Variants in ZNF407 observed in about 807,000 individuals in gnomAD.
ZNF407 encodes zinc finger protein 407.
Under a neutral mutation model 131.2 loss-of-function variants are expected in ZNF407, and 17 were observed. The ratio of observed to expected loss-of-function variants is 0.13; its 90% CI spans 0.09 to 0.19. The LOEUF is 0.19. Among genes scored for constraint, ZNF407 ranks in the 10% least tolerant of loss-of-function variants. The pLI is 1.00. For synonymous variants in ZNF407, 1,156 were observed against 1,062.0 expected (o/e 1.09, Z -1.72); for missense variants, 2,681 against 2,830.6 (o/e 0.95, Z 1.20).
intron 8 of ZNF407, among the ~76,000 whole-genome samples, chr18:74,986,842 CTAT>C (rs1972658355): frequency 6.6e-6 from 1 of 152,014 alleles, no homozygotes; most frequent in Non-Finnish European, 1.5e-5. Context: ...GTTTATTCTT[CTAT>C]TTTTTCTCTT....
intron 8 of ZNF407, among the ~76,000 whole-genome samples, chr18:74,931,058 C>T (rs1318876570): frequency 4.6e-5 from 7 of 152,156 alleles, no homozygotes; most frequent in African/African-American, 1.7e-4. Flanking sequence ...CTATCTAGAA[C>T]ATACATTATC....
chr18:74,780,260 TAAAC>T (rs1161363769), intron 3 of ZNF407, among the ~76,000 whole-genome samples: 1 of 152,170 alleles, frequency 6.6e-6, no homozygotes. Context: ...TATATGAAAT[TAAAC>T]AAAATAAATT....
At chr18:74,901,162 A>G (rs1409417005) in intron 7 of ZNF407, among the ~76,000 whole-genome samples, 1 of 152,084 alleles carries the variant, frequency 6.6e-6, no homozygotes, top group Non-Finnish European at 1.5e-5. Flanking sequence ...AGTCATATAT[A>G]TGGCCCCACC....
intron 3 of ZNF407, among the ~76,000 whole-genome samples, chr18:74,756,787 T>G (rs919495568): frequency 1.3e-5 from 2 of 152,158 alleles, no homozygotes; most frequent in African/African-American, 4.8e-5. Context: ...TTGTTATAGC[T>G]CTATACAGAT....
intron 3 of ZNF407, among the ~76,000 whole-genome samples, chr18:74,661,612 T>C (rs1196437552): frequency 6.6e-6 from 1 of 152,042 alleles, no homozygotes; most frequent in Non-Finnish European, 1.5e-5. Context: ...AAGCACATTT[T>C]TTTAGGCTAA....
chr18:74,754,459 C>A (rs1261996898), intron 3 of ZNF407, among the ~76,000 whole-genome samples: 1 of 152,168 alleles, frequency 6.6e-6, no homozygotes, highest in Non-Finnish European at 1.5e-5. Flanking sequence ...AATTTTAGAT[C>A]TTTCCTGCTT....
At chr18:74,839,954 T>G (rs1970609814) in intron 4 of ZNF407, among the ~76,000 whole-genome samples, 1 of 152,122 alleles carries the variant, frequency 6.6e-6, no homozygotes, top group East Asian at 1.9e-4. Context: ...GTGAAGAATT[T>G]CTTCTTTTTC....
At chr18:75,027,225 A>G (rs1349945224) in intron 8 of ZNF407, among the ~76,000 whole-genome samples, 1 of 152,208 alleles carries the variant, frequency 6.6e-6, no homozygotes, top group African/African-American at 2.4e-5. Flanking sequence ...GGCACATTCA[A>G]GGCAACAAGT....
intron 3 of ZNF407, among the ~76,000 whole-genome samples, chr18:74,726,016 A>G (rs1968149234): frequency 6.6e-6 from 1 of 152,116 alleles, no homozygotes; most frequent in Non-Finnish European, 1.5e-5. Context: ...CTTCTGTGAT[A>G]TTTCTGTAGA....
intron 3 of ZNF407, among the ~76,000 whole-genome samples, chr18:74,744,639 G>A (rs1968625488): frequency 6.6e-6 from 1 of 152,030 alleles, no homozygotes; most frequent in African/African-American, 2.4e-5. Flanking sequence ...TTAGCACATA[G>A]ATTTTTGCTG....
intron 8 of ZNF407, among the ~76,000 whole-genome samples, chr18:74,976,137 T>G (rs1972525940): frequency 6.6e-6 from 1 of 152,364 alleles, no homozygotes; most frequent in Admixed American, 6.5e-5. Flanking sequence ...GTAGAGCAGC[T>G]TGCATTCTTA....
chr18:75,002,088 G>GA (rs1173316541), intron 8 of ZNF407, among the ~76,000 whole-genome samples: 1 of 152,178 alleles, frequency 6.6e-6, no homozygotes, highest in Non-Finnish European at 1.5e-5. Flanking sequence ...GGCCTATGAG[G>GA]GCTGGCCAGC....
chr18:74,959,497 T>G (rs75408443), intron 8 of ZNF407, among the ~76,000 whole-genome samples: 2,185 of 152,306 alleles, frequency 0.014, 24 homozygotes, highest in Non-Finnish European at 0.024. Context: ...GTGTCTGTCT[T>G]TCTGAGTTTA....
intron 8 of ZNF407, among the ~76,000 whole-genome samples, chr18:75,023,898 A>G (rs1973140886): frequency 6.6e-6 from 1 of 152,190 alleles, no homozygotes; most frequent in Admixed American, 6.5e-5. Flanking sequence ...TAATTTTACT[A>G]GTTTGTGGTG....
At chr18:74,870,402 A>G (rs891172607) in intron 4 of ZNF407, among the ~76,000 whole-genome samples, 1 of 152,164 alleles carries the variant, frequency 6.6e-6, no homozygotes, top group Non-Finnish European at 1.5e-5. Flanking sequence ...TCCCTGGTGA[A>G]CTGTTTAAAA....
chr18:74,685,051 AGTT>A (rs1345289229), intron 3 of ZNF407, among the ~76,000 whole-genome samples: 1 of 152,174 alleles, frequency 6.6e-6, no homozygotes, highest in African/African-American at 2.4e-5. Flanking sequence ...GTAACTTTAA[AGTT>A]GTCAAAACTA....
intron 3 of ZNF407, among the ~76,000 whole-genome samples, chr18:74,713,463 A>G (rs1967818297): frequency 6.6e-6 from 1 of 150,978 alleles, no homozygotes. Context: ...AAATCATTAA[A>G]TAACAGAGAT....
intron 4 of ZNF407, among the ~76,000 whole-genome samples, chr18:74,797,357 C>T (rs1969939109): frequency 6.6e-6 from 1 of 152,196 alleles, no homozygotes; most frequent in Non-Finnish European, 1.5e-5. Flanking sequence ...TGCCAAATTT[C>T]AATTTAGTGG....
chr18:74,895,562 A>T (rs928744457), intron 7 of ZNF407, among the ~76,000 whole-genome samples: 2 of 152,226 alleles, frequency 1.3e-5, no homozygotes, highest in African/African-American at 4.8e-5. Context: ...ATGACAAAAA[A>T]AATTGTATTT....
Sources: gnomAD v4.1 joint callset for allele counts (sites outside exome capture counted in the v4.1 genomes callset) on GRCh38, gnomAD v4.1.1 for gene constraint, MANE v1.5 for transcripts, NCBI Gene and HGNC (gene_info 2026-07-23, HGNC 2026-07-21) for gene names.